RBM17: variants seen among roughly 807,000 people sequenced by gnomAD.
RBM17 encodes RNA binding motif protein 17, also known as splicing factor 45.
Under a neutral mutation model 53.2 loss-of-function variants are expected in RBM17, and 7 were observed. That is an observed-to-expected ratio of 0.13 (90% CI 0.07 to 0.25). The LOEUF (loss-of-function observed/expected upper bound fraction) is 0.25. Among genes scored for constraint, RBM17 ranks in the 10% least tolerant of loss-of-function variants. The pLI, the probability that RBM17 is intolerant of heterozygous loss-of-function variation, is 1.00. For synonymous variants in RBM17, 167 were observed against 178.1 expected (o/e 0.94, Z 0.50); for missense variants, 257 against 496.7 (o/e 0.52, Z 4.59).
At chr10:6,095,660 A>G (rs1177090041) in intron 1 of RBM17, among the ~76,000 whole-genome samples, 11 of 152,234 alleles carry the variant, frequency 7.2e-5, no homozygotes, top group East Asian at 3.8e-4. Context: ...GGGTTCACGT[A>G]TGAAGGAATG....
Position 6,112,384 on chromosome 10 carries a change from G to A in RBM17, c.856+23G>A. 6.2e-7 allele frequency: 1 copy of A among 1,613,338 alleles called. No homozygotes were observed. Among genetic ancestry groups the A allele is most frequent in the Non-Finnish European group, 8.5e-7 (1 of 1,179,766 alleles). Reference sequence around the variant, plus strand: ...AAGGTGTGTCCCCAGGGAAGCGTGTGACTAGAGGGAAAGGACTGGCCCCAT... The same window carrying A: ...AAGGTGTGTCCCCAGGGAAGCGTGTAACTAGAGGGAAAGGACTGGCCCCAT... On this transcript the variant is annotated intron_variant, in intron 8 of 11. Coordinates refer to ENST00000379888, the MANE Select transcript of RBM17 (RefSeq NM_032905.5). The surrounding 1 kb of genome is among the most constrained non-coding windows in gnomAD (Gnocchi z 4.4).
intron 1 of RBM17, among the ~76,000 whole-genome samples, chr10:6,093,164 T>G (rs79017063): frequency 1.8e-4 from 28 of 152,340 alleles, no homozygotes; most frequent in Non-Finnish European, 3.5e-4. Context: ...CCTCCCTCTC[T>G]GGGGGTTACT....
At chr10:6,103,185 G>A (rs1840694755) in intron 3 of RBM17, among the ~76,000 whole-genome samples, 1 of 152,068 alleles carries the variant, frequency 6.6e-6, no homozygotes, top group East Asian at 1.9e-4. Flanking sequence ...CCATTTTTAT[G>A]GCCAATCTGT....
rs973747658 is a variant in RBM17, at chr10:6,089,261, G to T, written c.-19+68G>T. ...ACCTGAGGCGGGCGCGCCTTCCCGG[G>T]AGGCGCTAGACGCAAGCCCGCGGCT... is the stretch of plus-strand genomic sequence containing the variant. On this transcript the variant is annotated intron_variant, in intron 1 of 11. Transcript: ENST00000379888. The surrounding 1 kb of genome is among the most constrained non-coding windows in gnomAD (Gnocchi z 5.6). The T allele has an allele frequency of 1.3e-5, 2 of 151,886 alleles. No individual in the cohort carries two copies. The highest frequency in any genetic ancestry group is 2.9e-5 in the Non-Finnish European group (2 of 67,974). The allele number at this position is 151,886 out of a possible 1,614,324, so 9.4% of individuals were successfully genotyped here.
At position 6,112,844 on chromosome 10, in the gene RBM17, G is replaced by T. The variant is rs1840860654; in HGVS notation, c.856+483G>T. The T allele has an allele frequency of 5.4e-6, 1 of 186,826 alleles. No individual in the cohort carries two copies. The highest frequency in any genetic ancestry group is 1.1e-5 in the Non-Finnish European group (1 of 87,646). 11.6% of individuals were successfully genotyped at this position (186,826 alleles called of 1,614,324 possible). On this transcript the variant is annotated intron_variant, in intron 8 of 11. Transcript: ENST00000379888. The surrounding 1 kb of genome is among the most constrained non-coding windows in gnomAD (Gnocchi z 4.4). Reference sequence around the variant, plus strand: ...GCTTTGCGAGATCTGATGTTATGTTGCAGTCTCTTGGTAAATGATGCCTAG... The same window carrying T: ...GCTTTGCGAGATCTGATGTTATGTTTCAGTCTCTTGGTAAATGATGCCTAG...
chr10:6,098,661 C>T (rs1463848531), intron 2 of RBM17, among the ~76,000 whole-genome samples: 2 of 143,412 alleles, frequency 1.4e-5, no homozygotes, highest in Non-Finnish European at 3.0e-5. Flanking sequence ...CTGCAAGCTC[C>T]GCCTCCCAGG....
At chr10:6,108,388 G>A (rs181321264) in intron 5 of RBM17, 40 of 412,050 alleles carry the variant, frequency 9.7e-5, no homozygotes, top group African/African-American at 7.7e-4. Flanking sequence ...GTAACTGCTG[G>A]TTCTCTTGGT....
Position 6,112,290 on chromosome 10 carries a change from G to T in RBM17, c.785G>T (p.Ser262Ile), listed in dbSNP as rs1054619341. 1.2e-6 allele frequency: 2 copies of T among 1,613,892 alleles called. No individual in the cohort carries two copies. Among genetic ancestry groups the T allele is most frequent in the African/African-American group, 1.3e-5 (1 of 74,906 alleles). Reference sequence around the variant, plus strand: ...CTGGGGAAGCATGAGCAGGGCCTGAGCACTGCCTTGTCAGTGGAGAAGACC... The same window carrying T: ...CTGGGGAAGCATGAGCAGGGCCTGATCACTGCCTTGTCAGTGGAGAAGACC... ...QGLGKHEQGL[S>I]TALSVEKTSK... is the part of the protein sequence containing the mutation. Residue 262 changes from serine to isoleucine, a missense_variant, in exon 8 of 12, where the codon AGC becomes ATC. Ser to Ile is a moderately radical substitution (Grantham distance 142). Around this residue, in one of 6 missense-constraint regions of RBM17, gnomAD observed 5 missense variants for 58.2 expected, o/e 0.09. Transcript: ENST00000379888. The surrounding 1 kb of genome is among the most constrained non-coding windows in gnomAD (Gnocchi z 4.4).
chr10:6,112,499 C>G lies in RBM17; in HGVS notation c.856+138C>G. ...AGAGGGAGAGGGCTGGCCCTGCCAT[C>G]ACTAGAACACAGGCCGTCCTGTTCA... On this transcript the variant is annotated intron_variant, in intron 8 of 11. Coordinates refer to ENST00000379888, the MANE Select transcript of RBM17 (RefSeq NM_032905.5). The surrounding 1 kb of genome is among the most constrained non-coding windows in gnomAD (Gnocchi z 4.4). The G allele has an allele frequency of 1.0e-6, 1 of 1,004,422 alleles. No homozygotes were observed. Among genetic ancestry groups the G allele is most frequent in the Non-Finnish European group, 1.5e-6 (1 of 655,328 alleles). The allele number at this position is 1,004,422 out of a possible 1,614,324, so 62.2% of individuals were successfully genotyped here. A position where few individuals can be genotyped will look rare whatever the true frequency, so the allele number is the denominator to read the frequency against.
intron 1 of RBM17, among the ~76,000 whole-genome samples, chr10:6,091,408 T>C (rs12220852): frequency 0.25 from 38,511 of 152,026 alleles, 6,138 homozygotes; most frequent in Middle Eastern, 0.37. Context: ...TTATGATGCA[T>C]GAATATCTGT....
At chr10:6,106,703 G>A (rs757197261) in intron 5 of RBM17, among the ~76,000 whole-genome samples, 13 of 152,062 alleles carry the variant, frequency 8.5e-5, no homozygotes, top group Non-Finnish European at 1.6e-4. Context: ...ATATTTGTAG[G>A]TCTCATTTTT....
intron 7 of RBM17, among the ~76,000 whole-genome samples, chr10:6,110,745 C>T (rs1840825046): frequency 1.3e-5 from 2 of 152,196 alleles, no homozygotes. Flanking sequence ...AGGCTTTGTT[C>T]TGTGCTGTGT....
At chr10:6,093,070 A>G (rs1214088756) in intron 1 of RBM17, among the ~76,000 whole-genome samples, 4 of 152,360 alleles carry the variant, frequency 2.6e-5, no homozygotes, top group East Asian at 1.9e-4. Context: ...GCTGAGATCT[A>G]GTACACTGCT....
chr10:6,108,160 G>A (rs1840782851), intron 5 of RBM17, among the ~76,000 whole-genome samples: 1 of 152,196 alleles, frequency 6.6e-6, no homozygotes, highest in Admixed American at 6.5e-5. Flanking sequence ...TTTGCACACT[G>A]GAAAAGGAGC....
intron 2 of RBM17, among the ~76,000 whole-genome samples, chr10:6,098,563 G>GTGTTTTTTTTTTTTTTTTTTTT (rs1554834988): frequency 4.3e-5 from 2 of 46,666 alleles, no homozygotes; most frequent in East Asian, 4.3e-4. Context: ...CAGGTTTTTT[G>GTGTTTTTTTTTTTTTTTTTTTT]TTTTTTTTTT....
At chr10:6,096,069 A>T (rs1840568609) in intron 1 of RBM17, among the ~76,000 whole-genome samples, 1 of 152,216 alleles carries the variant, frequency 6.6e-6, no homozygotes, top group Non-Finnish European at 1.5e-5. Context: ...TACTGTGCTA[A>T]GCATTTACTT....
At chr10:6,092,564 C>T (rs566325596) in intron 1 of RBM17, among the ~76,000 whole-genome samples, 8 of 152,252 alleles carry the variant, frequency 5.3e-5, no homozygotes, top group South Asian at 2.1e-4. Context: ...GTTTCTTAGT[C>T]TAGATCCTGT....
In RBM17 at chr10:6,112,422, T is replaced by C; in HGVS notation, c.856+61T>C. On this transcript the variant is annotated intron_variant, in intron 8 of 11. Transcript: ENST00000379888. This position sits in a 1 kb window ranked among gnomAD's most constrained non-coding sequence, Gnocchi z 4.4. ...GGACTGGCCCCATCCATATCAGACA[T>C]GGCCAGTCTTGATCCTCATGTGTCA... 6.3e-7 allele frequency: 1 copy of C among 1,585,058 alleles called. No homozygotes were observed. The highest frequency in any genetic ancestry group is 8.6e-7 in the Non-Finnish European group (1 of 1,158,508).
intron 7 of RBM17, among the ~76,000 whole-genome samples, chr10:6,110,514 C>G (rs554013547): frequency 6.6e-6 from 1 of 152,224 alleles, no homozygotes; most frequent in South Asian, 2.1e-4. Context: ...GCTTTCAGGT[C>G]ATGGTTCTAA....
Sources: gnomAD v4.1 joint callset for allele counts (sites outside exome capture counted in the v4.1 genomes callset) on GRCh38, gnomAD v4.1.1 for gene constraint, gnomAD v4.1.1 regional missense constraint, Gnocchi (gnomAD v3.1) non-coding constraint, MANE v1.5 for transcripts, NCBI Gene and HGNC (gene_info 2026-07-23, HGNC 2026-07-21) for gene names.